The following CNTN5 variants were observed in gnomAD, a reference collection of about 807,000 sequenced individuals.
CNTN5 encodes contactin-5.
A neutral mutation model predicts 129.1 loss-of-function variants in CNTN5; 77 were observed. The observed-to-expected ratio is 0.60, with a 90% CI of 0.50 to 0.72. The LOEUF is 0.72. CNTN5 is among the 30% of genes least tolerant of loss of function. CNTN5 has a pLI of 0.00. For missense variants in CNTN5, 1,478 were observed against 1,328.8 expected (o/e 1.11, Z -1.75); for synonymous variants, 509 against 465.6 (o/e 1.09, Z -1.20).
rs559901564 is a variant in CNTN5 at position 100,180,722 on chromosome 11, C to A, written c.1581-10404C>A. Among the ~76,000 whole-genome samples the A allele has an allele frequency of 8.6e-5, 13 of 151,942 alleles. No individual in the cohort carries two copies. The South Asian group carries it at 2.3e-3, about 27-fold the overall frequency. ...GGACTGGCAGAAAATGCTTTCAAAT[C>A]ACGTACCCAACAAAGAACTGGTATC... On this transcript the variant is annotated intron_variant, in intron 13 of 24. Coordinates refer to ENST00000524871, the MANE Select transcript of CNTN5 (RefSeq NM_014361.4).
chr11:99,529,167 A>G (rs1043933687), intron 2 of CNTN5, among the ~76,000 whole-genome samples: 5 of 152,200 alleles, frequency 3.3e-5, no homozygotes, highest in African/African-American at 1.2e-4. Flanking sequence ...TGTTCTCTCC[A>G]GGGCCCAGCT....
intron 3 of CNTN5, among the ~76,000 whole-genome samples, chr11:99,806,105 CT>C (rs977077837): frequency 1.1e-4 from 17 of 152,156 alleles, no homozygotes; most frequent in African/African-American, 3.4e-4. Flanking sequence ...TACAAGTGAA[CT>C]TTTTTTTCTT....
At chr11:99,979,173 C>T (rs531811535) in intron 8 of CNTN5, among the ~76,000 whole-genome samples, 1 of 151,992 alleles carries the variant, frequency 6.6e-6, no homozygotes, top group East Asian at 1.9e-4. Flanking sequence ...GAATGGCATG[C>T]CCTTTGACTC....
At chr11:99,699,581 G>A (rs1251321091) in intron 3 of CNTN5, among the ~76,000 whole-genome samples, 1 of 151,394 alleles carries the variant, frequency 6.6e-6, no homozygotes, top group Non-Finnish European at 1.5e-5. Context: ...AAAGGCTAGG[G>A]ATAAGCCAGT....
rs201326352 is a variant in CNTN5 at position 99,956,847 on chromosome 11, G to A, written c.715G>A (p.Val239Met). 1.3e-5 allele frequency: 21 copies of A among 1,613,874 alleles called. No individual in the cohort carries two copies. The South Asian group carries it at 2.1e-4, about 16-fold the overall frequency. The change falls in exon 8 of 25, where the codon GTG (valine) becomes ATG (methionine). Residue 239 changes from valine (V) to methionine (M), a missense_variant. Transcript: ENST00000524871. ...GGTATTTAATGAGTTCCCTTCCTTT[G>A]TGGCGGAAGACAGCCGGCGGTTCAT... ...SWVFNEFPSF[V>M]AEDSRRFISQ...
At chr11:99,869,015 G>A (rs1253423726) in intron 6 of CNTN5, among the ~76,000 whole-genome samples, 1 of 152,106 alleles carries the variant, frequency 6.6e-6, no homozygotes, top group Non-Finnish European at 1.5e-5. Context: ...CCTGTGACTG[G>A]TAATCACCCC....
chr11:99,930,586 C>G (rs912026856), intron 7 of CNTN5, among the ~76,000 whole-genome samples: 4 of 152,286 alleles, frequency 2.6e-5, no homozygotes, highest in African/African-American at 9.6e-5. Flanking sequence ...TATCTACCTA[C>G]TCTAACAACA....
chr11:100,042,482 A>G (rs1414345879), intron 9 of CNTN5, among the ~76,000 whole-genome samples: 2 of 152,324 alleles, frequency 1.3e-5, no homozygotes, highest in Non-Finnish European at 2.9e-5. Flanking sequence ...AGGAAGCTCC[A>G]TTAGACAGAC....
At chr11:99,290,093 C>T (rs1380547992) in intron 1 of CNTN5, among the ~76,000 whole-genome samples, 3 of 151,714 alleles carry the variant, frequency 2.0e-5, no homozygotes, top group Non-Finnish European at 4.4e-5. Flanking sequence ...CACTGTCCTT[C>T]TTATTTAAAA....
intron 6 of CNTN5, among the ~76,000 whole-genome samples, chr11:99,912,035 G>C (rs970170328): frequency 1.3e-5 from 2 of 151,700 alleles, no homozygotes; most frequent in Admixed American, 6.6e-5. Context: ...TGTTTTATTT[G>C]TTTACTTATT....
chr11:100,268,642 A>AG (rs1250256767), intron 17 of CNTN5, among the ~76,000 whole-genome samples: 10 of 152,172 alleles, frequency 6.6e-5, no homozygotes, highest in Non-Finnish European at 8.8e-5. Context: ...ATGTAATGGT[A>AG]GGCATCAGCA....
At chr11:99,329,697 T>A (rs934873400) in intron 2 of CNTN5, among the ~76,000 whole-genome samples, 2 of 152,126 alleles carry the variant, frequency 1.3e-5, no homozygotes, top group African/African-American at 4.8e-5. Flanking sequence ...TTGAGGCAAT[T>A]CTAACAAATG....
intron 2 of CNTN5, among the ~76,000 whole-genome samples, chr11:99,431,928 G>T (rs1943385735): frequency 6.6e-6 from 1 of 152,046 alleles, no homozygotes; most frequent in African/African-American, 2.4e-5. Flanking sequence ...GGGGCTGGAG[G>T]GTCAAGAGGG....
intron 6 of CNTN5, among the ~76,000 whole-genome samples, chr11:99,892,027 C>T (rs980609153): frequency 2.6e-5 from 4 of 152,172 alleles, no homozygotes; most frequent in African/African-American, 7.2e-5. Context: ...GTCATTCTAA[C>T]TGGCCTGAGA....
chr11:99,295,557 C>T (rs1345413638), intron 1 of CNTN5, among the ~76,000 whole-genome samples: 1 of 152,184 alleles, frequency 6.6e-6, no homozygotes, highest in Non-Finnish European at 1.5e-5. Flanking sequence ...GCAATGTTCT[C>T]TTTAATCCAG....
chr11:99,120,444 T>C (rs1158217558), intron 1 of CNTN5: 2 of 152,222 alleles, frequency 1.3e-5, no homozygotes, highest in South Asian at 2.1e-4. Context: ...AATAAAGGGA[T>C]GAGCCATATA....
intron 3 of CNTN5, among the ~76,000 whole-genome samples, chr11:99,584,627 A>T (rs1439073771): frequency 2.0e-5 from 3 of 152,212 alleles, no homozygotes; most frequent in Non-Finnish European, 4.4e-5. Context: ...AATATTATTA[A>T]ATAAAACCCT....
chr11:99,649,399 G>T (rs1381238584), intron 3 of CNTN5, among the ~76,000 whole-genome samples: 1 of 151,596 alleles, frequency 6.6e-6, no homozygotes, highest in African/African-American at 2.4e-5. Flanking sequence ...TTGTCATTAG[G>T]AGAAAATTCA....
chr11:99,425,013 T>A (rs72989826), intron 2 of CNTN5, among the ~76,000 whole-genome samples: 10,944 of 152,144 alleles, frequency 0.072, 689 homozygotes, highest in African/African-American at 0.18. Flanking sequence ...CCATAGTGGG[T>A]AGCTCCTTTC....
Sources: allele counts gnomAD v4.1 joint callset (sites outside exome capture counted in the v4.1 genomes callset), GRCh38; gene constraint gnomAD v4.1.1; transcripts MANE v1.5; gene names NCBI Gene and HGNC (gene_info 2026-07-23, HGNC 2026-07-21).